Variants in AHNAK2 observed in about 807,000 individuals in gnomAD.
AHNAK2 encodes the protein protein AHNAK2.
AHNAK2 carries 18 observed loss-of-function variants against 30.7 expected under a neutral mutation model. The ratio of observed to expected loss-of-function variants is 0.59; its 90% CI spans 0.41 to 0.87. AHNAK2 has a LOEUF of 0.87. Among genes scored for constraint, AHNAK2 ranks in the 40% least tolerant of loss-of-function variants. The probability of loss-of-function intolerance (pLI) is 0.00; values close to 1 mark genes in which losing one functional copy is unlikely to be tolerated. For synonymous variants in AHNAK2, 3,590 were observed against 3,073.8 expected, an observed-to-expected ratio of 1.17 and a Z score of -5.56; for missense variants, 8,604 against 7,373.0, an observed-to-expected ratio of 1.17 and a Z score of -6.11.
chr14:104,939,943 C>G lies in AHNAK2; in HGVS notation c.15508G>C (p.Val5170Leu). 4 of 1,612,156 alleles carry G rather than the reference C, an allele frequency of 2.5e-6. No individual in the cohort carries two copies. The highest frequency in any genetic ancestry group is 3.4e-6 in the Non-Finnish European group (4 of 1,179,894). ...TCCTCTGGGCTTTCCACTGTGAGGA[C>G]TTCAGCATCTGGTTTTCTACAGGAT... ...QPSCRKPDAE[V>L]LTVESPEEEA... Residue 5170 changes from valine (V) to leucine (L), a missense_variant, in exon 7 of 7, where the codon GTC (valine) becomes CTC (leucine). By Grantham distance (32) the Val-to-Leu change is conservative. Transcript: ENST00000333244.
chr14:104,969,895 C>T (rs368041001), intron 1 of AHNAK2, among the ~76,000 whole-genome samples: 2 of 152,166 alleles, frequency 1.3e-5, no homozygotes, highest in Non-Finnish European at 2.9e-5. Context: ...AGCTACCCAT[C>T]GCCCCAGGCC....
Position 104,944,832 on chromosome 14 carries a change from T to C in AHNAK2, c.10619A>G (p.Glu3540Gly), listed in dbSNP as rs775291637. The stretch of plus-strand genomic sequence containing the variant: ...CTCGGGCACGGGGCCCTCCAGGAGT[T>C]CCACATCCACTTGGACAGCCTGGAC... ...LEVQAVQVDVELLEGPVPEGA... is the reference protein window; with the variant it reads ...LEVQAVQVDVGLLEGPVPEGA... Residue 3540 changes from glutamate to glycine, a missense_variant, in exon 7 of 7, where the codon GAA becomes GGA. Physicochemically the swap from Glu to Gly is moderately conservative, Grantham distance 98. Coordinates refer to ENST00000333244, the MANE Select transcript of AHNAK2 (RefSeq NM_138420.4). The C allele has an allele frequency of 1.2e-6, 2 of 1,612,242 alleles. No homozygotes were observed. Among genetic ancestry groups the C allele is most frequent in the Non-Finnish European group, 1.7e-6 (2 of 1,179,432 alleles).
Position 104,938,923 on chromosome 14 carries a change from C to T in AHNAK2, c.16528G>A (p.Glu5510Lys). Residue 5510 changes from glutamate to lysine, a missense_variant, in exon 7 of 7, where the codon GAG (glutamate) becomes AAG (lysine). By Grantham distance (56) the Glu-to-Lys change is moderately conservative. Coordinates refer to ENST00000333244, the MANE Select transcript of AHNAK2 (RefSeq NM_138420.4). ...IVRESEIPTSEIQTPSYGFSL... is the reference protein window; with the variant it reads ...IVRESEIPTSKIQTPSYGFSL... ...AATCCGTACGAAGGTGTTTGAATCTCTGACGTGGGGATCTCTGATTCCCGC... is the reference window on the plus strand; with the variant it reads ...AATCCGTACGAAGGTGTTTGAATCTTTGACGTGGGGATCTCTGATTCCCGC... The T allele has an allele frequency of 6.2e-7, 1 of 1,613,612 alleles. No homozygotes were observed. Among genetic ancestry groups the T allele is most frequent in the Non-Finnish European group, 8.5e-7 (1 of 1,179,854 alleles).
Position 104,946,911 on chromosome 14 carries a change from C to A in AHNAK2, c.8540G>T (p.Gly2847Val), listed in dbSNP as rs190688491. ...DVSELKVEAD[G>V]SFPSMQGDLK... is the part of the protein sequence containing the mutation. Reference sequence around the variant, plus strand: ...ATCCCCTTGCATGGAGGGGAAGCTCCCGTCAGCTTCCACCTTCAGCTCAGA... The same window carrying A: ...ATCCCCTTGCATGGAGGGGAAGCTCACGTCAGCTTCCACCTTCAGCTCAGA... The change falls in exon 7 of 7, where the codon GGG (glycine) becomes GTG (valine). Residue 2847 changes from glycine to valine, a missense_variant. Physicochemically the swap from Gly to Val is moderately radical, Grantham distance 109 (BLOSUM62 -3). Coordinates refer to ENST00000333244, the MANE Select transcript of AHNAK2 (RefSeq NM_138420.4). 4.3e-3 allele frequency: 6,973 copies of A among 1,610,400 alleles called. 92 individuals carry two copies. The highest frequency in any genetic ancestry group is 0.023 in the African/African-American group (1,676 of 73,114).
Position 104,948,673 on chromosome 14 carries a change from C to A in AHNAK2, c.6778G>T (p.Gly2260Cys), listed in dbSNP as rs761656767. The A allele has an allele frequency of 6.2e-7, 1 of 1,611,602 alleles. No individual in the cohort carries two copies. ...DLKGPEIDIKGPKLDLKDPKV... is the reference protein window; with the variant it reads ...DLKGPEIDIKCPKLDLKDPKV... ...GGGTCTTTTAGGTCCAGCTTGGGGC[C>A]CTTGATGTCTATTTCGGGGCCCTTG... Residue 2260 changes from glycine (G) to cysteine (C), a missense_variant, in exon 7 of 7, where the codon GGC (glycine) becomes TGC (cysteine). Coordinates refer to ENST00000333244, the MANE Select transcript of AHNAK2 (RefSeq NM_138420.4).
Position 104,946,091 on chromosome 14 carries a change from C to G in AHNAK2, c.9360G>C (p.Leu3120Phe). The change falls in exon 7 of 7, where the codon TTG becomes TTC. Residue 3120 changes from leucine (L) to phenylalanine (F), a missense_variant. By Grantham distance (22) the Leu-to-Phe change is conservative. Coordinates refer to ENST00000333244, the MANE Select transcript of AHNAK2 (RefSeq NM_138420.4). ...GGTCCCCCTCCAGCCGTGCACCATC[C>G]AACTTGGCTCCTGGGGCCTCGACAT... ...EVDVEAPGAK[L>F]DGARLEGDLS... The G allele has an allele frequency of 6.2e-7, 1 of 1,611,148 alleles. No individual in the cohort carries two copies. Among genetic ancestry groups the G allele is most frequent in the Non-Finnish European group, 8.5e-7 (1 of 1,179,046 alleles).
chr14:104,954,624 T>C lies in AHNAK2; in HGVS notation c.827A>G (p.Gln276Arg), dbSNP rs751095479. Residue 276 changes from glutamine to arginine, a missense_variant, in exon 7 of 7, where the codon CAG becomes CGG. Coordinates refer to ENST00000333244, the MANE Select transcript of AHNAK2 (RefSeq NM_138420.4). This position sits in a 1 kb window ranked among gnomAD's most constrained non-coding sequence, Gnocchi z 4.3. Reference sequence around the variant, plus strand: ...GGCCTCTGACGAGCTGTGTGACCTCTGGGGTCCCGGCCCCCGCTTGCTCTT... The same window carrying C: ...GGCCTCTGACGAGCTGTGTGACCTCCGGGGTCCCGGCCCCCGCTTGCTCTT... ...SIKSKRGPGPQRSHSSSEAYE... is the reference protein window; with the variant it reads ...SIKSKRGPGPRRSHSSSEAYE... 18 of 1,612,464 alleles carry C rather than the reference T, an allele frequency of 1.1e-5. No homozygotes were observed. The highest frequency in any genetic ancestry group is 1.5e-5 in the Non-Finnish European group (18 of 1,179,656).
rs1049940812 is a variant in AHNAK2, at chr14:104,954,632, C to T, written c.819G>A (p.Pro273=). 16 of 1,612,468 alleles carry T rather than the reference C, an allele frequency of 9.9e-6. No individual in the cohort carries two copies. Among genetic ancestry groups the T allele is most frequent in the Non-Finnish European group, 1.4e-5 (16 of 1,179,584 alleles). Residue 273 remains proline (P), a synonymous_variant, in exon 7 of 7, where the codon CCG becomes CCA. Coordinates refer to ENST00000333244, the MANE Select transcript of AHNAK2 (RefSeq NM_138420.4). This position sits in a 1 kb window ranked among gnomAD's most constrained non-coding sequence, Gnocchi z 4.3. The part of the protein sequence containing the change: ...KFQSIKSKRG[P]GPQRSHSSSE... ...ACGAGCTGTGTGACCTCTGGGGTCC[C>T]GGCCCCCGCTTGCTCTTTATGGATT...
rs760984970 is a variant in AHNAK2, at chr14:104,954,029, G to A, written c.1422C>T (p.Gly474=). 6.2e-7 allele frequency: 1 copy of A among 1,613,654 alleles called. No homozygotes were observed. Among genetic ancestry groups the A allele is most frequent in the Non-Finnish European group, 8.5e-7 (1 of 1,179,848 alleles). Reference sequence around the variant, plus strand: ...TAATTTCTGGTGGGCCAATCTGTGTGCCTCCTTCGGTTGTGTCTCTCAAGG... The same window carrying A: ...TAATTTCTGGTGGGCCAATCTGTGTACCTCCTTCGGTTGTGTCTCTCAAGG... The part of the protein sequence containing the change: ...RLSLRDTTEG[G]TQIGPPEIRV... The change falls in exon 7 of 7, where the codon GGC becomes GGT. Residue 474 remains glycine (G), a synonymous_variant. Coordinates refer to ENST00000333244, the MANE Select transcript of AHNAK2 (RefSeq NM_138420.4). The surrounding 1 kb of genome is among the most constrained non-coding windows in gnomAD (Gnocchi z 4.3).
chr14:104,954,307 C>G lies in AHNAK2; in HGVS notation c.1144G>C (p.Glu382Gln). The change falls in exon 7 of 7, where the codon GAA (glutamate) becomes CAA (glutamine). Residue 382 changes from glutamate to glutamine, a missense_variant. Transcript: ENST00000333244. This position sits in a 1 kb window ranked among gnomAD's most constrained non-coding sequence, Gnocchi z 4.3. ...GCAGGCATCACTTCTCGATCCTGTT[C>G]TGCCCTCTCCTCTCTCCTGCTGCCT... ...ATGSRREERA[E>Q]QDREVMPAQS... is the part of the protein sequence containing the mutation. 1 of 1,613,674 alleles carries G rather than the reference C, an allele frequency of 6.2e-7. No individual in the cohort carries two copies. The highest frequency in any genetic ancestry group is 1.1e-5 in the South Asian group (1 of 91,084).
At position 104,961,320 on chromosome 14, in the gene AHNAK2, C is replaced by T. The variant is rs548585790; in HGVS notation, c.56-3648G>A. Among the ~76,000 whole-genome samples, 445 of 151,800 alleles carry T rather than the reference C, an allele frequency of 2.9e-3. 3 individuals are homozygous for T. Among genetic ancestry groups the T allele is most frequent in the Non-Finnish European group, 4.5e-3 (307 of 67,906 alleles). ...ACGAGGTCAGGAGATCAAAACCATC[C>T]TGGCTAACACAGTGAAACCCCGTCT... On this transcript the variant is annotated intron_variant, in intron 1 of 6. Coordinates refer to ENST00000333244, the MANE Select transcript of AHNAK2 (RefSeq NM_138420.4).
In AHNAK2 at chr14:104,942,495, G is replaced by A. The variant is rs200871609; in HGVS notation, c.12956C>T (p.Ala4319Val). 1.4e-4 allele frequency: 231 copies of A among 1,612,222 alleles called. 1 individual carries two copies. In the African/African-American group the frequency reaches 2.7e-3, roughly 19 times the overall value. The change falls in exon 7 of 7, where the codon GCC (alanine) becomes GTC (valine). Residue 4319 changes from alanine (A) to valine (V), a missense_variant. Physicochemically the swap from Ala to Val is moderately conservative, Grantham distance 64. Transcript: ENST00000333244. ...CTTCAGCGCAGACACATCCAACGAG[G>A]CCTCGATGGACTTGCCTGGGGCAGA... ...GVSAPGKSIE[A>V]SLDVSALKVE... is the part of the protein sequence containing the mutation.
rs202170386 is a variant in AHNAK2, at chr14:104,949,547, C to T, written c.5904G>A (p.Ala1968=). The change falls in exon 7 of 7, where the codon GCG becomes GCA. Residue 1968 remains alanine (A), a synonymous_variant. Transcript: ENST00000333244. ...CCAGGGACAGGTCTCCCTCCAGCCGCGCACCATCCAGCTTAGCCTTCTGGG... is the reference window on the plus strand; with the variant it reads ...CCAGGGACAGGTCTCCCTCCAGCCGTGCACCATCCAGCTTAGCCTTCTGGG... ...VQAQKAKLDG[A]RLEGDLSLAD... 972 of 1,587,952 alleles carry T rather than the reference C, an allele frequency of 6.1e-4. 85 individuals carry two copies. The South Asian group carries it at 9.5e-3, about 15-fold the overall frequency.
chr14:104,949,424 G>A lies in AHNAK2; in HGVS notation c.6027C>T (p.Ala2009=), dbSNP rs780152995. 6.9e-6 allele frequency: 11 copies of A among 1,587,320 alleles called. 3 individuals carry two copies. The highest frequency in any genetic ancestry group is 9.5e-6 in the Non-Finnish European group (11 of 1,162,288). The change falls in exon 7 of 7, where the codon GCC becomes GCT. Residue 2009 remains alanine, a synonymous_variant. Coordinates refer to ENST00000333244, the MANE Select transcript of AHNAK2 (RefSeq NM_138420.4). ...GVSAPGRSIE[A]SVDVPAPKVE... is the part of the protein sequence containing the mutation. ...CCTTGGGTGCAGGCACATCCACCGA[G>A]GCCTCGATGGACCTCCCTGGGGCCG...
rs370977312 is a variant in AHNAK2 at position 104,951,518 on chromosome 14, G to C, written c.3933C>G (p.Asp1311Glu). 86 of 1,244,012 alleles carry C rather than the reference G, an allele frequency of 6.9e-5. 24 individuals carry two copies. Among genetic ancestry groups the C allele is most frequent in the East Asian group, 2.0e-4 (9 of 44,280 alleles). The allele number at this position is 1,244,012 out of a possible 1,614,324, so 77.1% of individuals were successfully genotyped here. A position where few individuals can be genotyped will look rare whatever the true frequency, so the allele number is the denominator to read the frequency against. The change falls in exon 7 of 7, where the codon GAC becomes GAG. Residue 1311 changes from aspartate to glutamate, a missense_variant. Physicochemically the swap from Asp to Glu is conservative, Grantham distance 45 (BLOSUM62 2). Transcript: ENST00000333244. The stretch of plus-strand genomic sequence containing the variant: ...CCTTGTCAGCCAGGGACAGGTCCCC[G>C]TCCAGCTGTGCGCCATCCAACTTGG... ...PGAKLDGAQLDGDLSLADKDV... is the reference protein window; with the variant it reads ...PGAKLDGAQLEGDLSLADKDV...
rs769202710 is a variant in AHNAK2 at position 104,953,034 on chromosome 14, G to A, written c.2417C>T (p.Pro806Leu). The change falls in exon 7 of 7, where the codon CCG becomes CTG. Residue 806 changes from proline to leucine, a missense_variant. Physicochemically the swap from Pro to Leu is moderately conservative, Grantham distance 98. Transcript: ENST00000333244. The stretch of plus-strand genomic sequence containing the variant: ...CCGCGCACCATCCAGCTTTGCTCTC[G>A]GGGCCTGGACGTCCACCTCCATGCT... ...LSSMEVDVQA[P>L]RAKLDGARLE... The A allele has an allele frequency of 2.1e-5, 34 of 1,612,434 alleles. No homozygotes were observed. The highest frequency in any genetic ancestry group is 1.6e-4 in the Middle Eastern group (1 of 6,072).
At position 104,942,801 on chromosome 14, in the gene AHNAK2, G is replaced by A; in HGVS notation, c.12650C>T (p.Pro4217Leu). 6.2e-7 allele frequency: 1 copy of A among 1,612,928 alleles called. No individual in the cohort carries two copies. The highest frequency in any genetic ancestry group is 8.5e-7 in the Non-Finnish European group (1 of 1,179,578). Residue 4217 changes from proline (P) to leucine (L), a missense_variant, in exon 7 of 7, where the codon CCC becomes CTC. By Grantham distance (98) the Pro-to-Leu change is moderately conservative. Coordinates refer to ENST00000333244, the MANE Select transcript of AHNAK2 (RefSeq NM_138420.4). ...PKGAGLKGHL[P>L]KVQMPCLKMP... ...CTTCAAACAGGGCATCTGCACCTTGGGGAGGTGCCCTTTGAGGCCGGCTCC... is the reference window on the plus strand; with the variant it reads ...CTTCAAACAGGGCATCTGCACCTTGAGGAGGTGCCCTTTGAGGCCGGCTCC...
At chr14:104,976,559 C>T (rs2140886810) in intron 1 of AHNAK2, among the ~76,000 whole-genome samples, 1 of 152,286 alleles carries the variant, frequency 6.6e-6, no homozygotes, top group East Asian at 1.9e-4. Context: ...CTGGACAGAA[C>T]TCCCAAGGTC....
chr14:104,950,769 A>C lies in AHNAK2; in HGVS notation c.4682T>G (p.Leu1561Arg), dbSNP rs1232845472. Residue 1561 changes from leucine to arginine, a missense_variant, in exon 7 of 7, where the codon CTC (leucine) becomes CGC (arginine). Leu to Arg is a moderately radical substitution (Grantham distance 102). Transcript: ENST00000333244. Reference sequence around the variant, plus strand: ...TCCCTCGGACACAGGGCCCTCTGGGAGTTTCACGTCCACTTGGCCAGCCTG... The same window carrying C: ...TCCCTCGGACACAGGGCCCTCTGGGCGTTTCACGTCCACTTGGCCAGCCTG... ...EVQAGQVDVK[L>R]PEGPVSEGAG... is the part of the protein sequence containing the mutation. 1 of 1,586,250 alleles carries C rather than the reference A, an allele frequency of 6.3e-7. No homozygotes were observed. Among genetic ancestry groups the C allele is most frequent in the Non-Finnish European group, 8.6e-7 (1 of 1,162,318 alleles).
Sources: allele counts gnomAD v4.1 joint callset (sites outside exome capture counted in the v4.1 genomes callset), GRCh38; gene constraint gnomAD v4.1.1; non-coding constraint Gnocchi (gnomAD v3.1); transcripts MANE v1.5; gene names NCBI Gene and HGNC (gene_info 2026-07-23, HGNC 2026-07-21).